The following THRB variants were observed in gnomAD, a reference collection of about 807,000 sequenced individuals.
THRB encodes the protein nuclear receptor subfamily 1 group A member 2.
A neutral mutation model predicts 47.8 loss-of-function variants in THRB; 12 were observed. That is an observed-to-expected ratio of 0.25 (90% CI 0.16 to 0.41). THRB has a LOEUF of 0.41. Ranked by LOEUF, THRB falls within the 10% of genes least tolerant of loss-of-function variation. THRB has a pLI of 1.00. For missense variants in THRB, 348 were observed against 589.2 expected, an observed-to-expected ratio of 0.59 and a Z score of 4.24; for synonymous variants, 218 against 212.2, an observed-to-expected ratio of 1.03 and a Z score of -0.24.
rs578262535 is a variant in THRB, at chr3:24,415,326, G to T, written c.-260-77955C>A. 4.6e-5 allele frequency among the ~76,000 whole-genome samples: 7 copies of T among 151,904 alleles called. No homozygotes were observed. The East Asian group carries it at 1.4e-3, about 30-fold the overall frequency. On this transcript the variant is annotated intron_variant, in intron 1 of 10. Transcript: ENST00000646209. ...AAACTCTCCTTCATATCTGATCCAA[G>T]AATATCATTCTTTCTGCCATCATTT... is the stretch of plus-strand genomic sequence containing the variant.
rs142362027 is a variant in THRB at position 24,474,751 on chromosome 3, G to T, written c.-261+19901C>A. Among the ~76,000 whole-genome samples, 373 of 152,196 alleles carry T rather than the reference G, an allele frequency of 2.5e-3. 1 individual carries two copies. The highest frequency in any genetic ancestry group is 8.7e-3 in the African/African-American group (360 of 41,528). On this transcript the variant is annotated intron_variant, in intron 1 of 10. Transcript: ENST00000646209. ...CTGCTGCAGACCATATGTGCTATAC[G>T]TAGGTAATAATGGAACTGGAAGTAC...
intron 1 of THRB, among the ~76,000 whole-genome samples, chr3:24,482,572 T>C (rs1211424236): frequency 2.0e-5 from 3 of 150,520 alleles, no homozygotes; most frequent in South Asian, 2.1e-4. Flanking sequence ...TCTCTCTCTC[T>C]CCAATGTCCT....
chr3:24,155,996 A>G (rs2037774683), intron 5 of THRB, among the ~76,000 whole-genome samples: 1 of 152,246 alleles, frequency 6.6e-6, no homozygotes, highest in African/African-American at 2.4e-5. Context: ...TATTTTTCAG[A>G]TTAATACATT....
intron 3 of THRB, among the ~76,000 whole-genome samples, chr3:24,258,537 C>T (rs749384884): frequency 6.6e-6 from 1 of 152,126 alleles, no homozygotes; most frequent in Non-Finnish European, 1.5e-5. Flanking sequence ...AATCATCTCA[C>T]CTATGATAGC....
chr3:24,259,899 G>C (rs1179970925), intron 3 of THRB, among the ~76,000 whole-genome samples: 9 of 152,030 alleles, frequency 5.9e-5, no homozygotes, highest in Admixed American at 5.9e-4. Context: ...GCTTTATTGA[G>C]ATATGATTCC....
intron 5 of THRB, among the ~76,000 whole-genome samples, chr3:24,162,038 T>C (rs17014257): frequency 0.43 from 65,512 of 151,820 alleles, 16,228 homozygotes; most frequent in African/African-American, 0.68. Context: ...ACCCGGCTGG[T>C]CCAGACTAAA....
intron 4 of THRB, among the ~76,000 whole-genome samples, chr3:24,206,551 A>G (rs1203544037): frequency 6.6e-6 from 1 of 152,232 alleles, no homozygotes; most frequent in Non-Finnish European, 1.5e-5. Context: ...AGAAAGCAGG[A>G]AAGATCTAAA....
At chr3:24,488,455 T>G (rs577331279) in intron 1 of THRB, among the ~76,000 whole-genome samples, 2 of 152,102 alleles carry the variant, frequency 1.3e-5, no homozygotes, top group South Asian at 4.2e-4. Context: ...TTAGGAAAAA[T>G]AAAAATTGGA....
chr3:24,240,042 G>T (rs1319486662), intron 3 of THRB, among the ~76,000 whole-genome samples: 5 of 152,174 alleles, frequency 3.3e-5, no homozygotes, highest in Non-Finnish European at 4.4e-5. Flanking sequence ...TTTCTGTGGG[G>T]TTGCTGTGGT....
At chr3:24,378,897 A>G (rs2065489525) in intron 1 of THRB, among the ~76,000 whole-genome samples, 1 of 152,138 alleles carries the variant, frequency 6.6e-6, no homozygotes, top group Admixed American at 6.6e-5. Context: ...ATATTCCAAA[A>G]TCCAGCAACT....
chr3:24,452,411 G>A (rs920059365), intron 1 of THRB, among the ~76,000 whole-genome samples: 1 of 151,954 alleles, frequency 6.6e-6, no homozygotes, highest in Admixed American at 6.6e-5. Flanking sequence ...ATAAAAATGG[G>A]GGTAGATTTA....
intron 1 of THRB, among the ~76,000 whole-genome samples, chr3:24,408,230 A>C (rs9826626): frequency 0.11 from 16,880 of 151,882 alleles, 2,013 homozygotes; most frequent in African/African-American, 0.3. Flanking sequence ...CTTAGAAGTG[A>C]ATAGAAATAT....
At chr3:24,267,986 T>C (rs2052839896) in intron 3 of THRB, among the ~76,000 whole-genome samples, 1 of 152,196 alleles carries the variant, frequency 6.6e-6, no homozygotes, top group African/African-American at 2.4e-5. Context: ...AATAATTCTT[T>C]AGTCAATTAG....
chr3:24,158,981 T>G (rs2038343635), intron 5 of THRB, among the ~76,000 whole-genome samples: 1 of 152,000 alleles, frequency 6.6e-6, no homozygotes, highest in Admixed American at 6.5e-5. Context: ...ATCAGAAGAT[T>G]AGGGGAGGGA....
intron 7 of THRB, among the ~76,000 whole-genome samples, chr3:24,146,127 C>G (rs569079761): frequency 6.6e-6 from 1 of 152,228 alleles, no homozygotes; most frequent in Non-Finnish European, 1.5e-5. Context: ...AAACAACCAA[C>G]TGCAGGATGA....
chr3:24,336,433 A>C (rs1411219486), intron 2 of THRB, among the ~76,000 whole-genome samples: 1 of 152,110 alleles, frequency 6.6e-6, no homozygotes, highest in Non-Finnish European at 1.5e-5. Flanking sequence ...CTTATTACCA[A>C]AAAGCCATTT....
intron 8 of THRB, among the ~76,000 whole-genome samples, chr3:24,142,629 T>A (rs918560936): frequency 6.6e-6 from 1 of 152,230 alleles, no homozygotes; most frequent in African/African-American, 2.4e-5. Flanking sequence ...AAGGGTTTTA[T>A]ATCATAAACT....
intron 1 of THRB, among the ~76,000 whole-genome samples, chr3:24,461,582 T>C (rs954111773): frequency 2.0e-5 from 3 of 152,250 alleles, no homozygotes; most frequent in Non-Finnish European, 4.4e-5. Context: ...TAATCCATCG[T>C]TGACCAAGTC....
At chr3:24,125,629 C>T (rs990272737) in intron 10 of THRB, among the ~76,000 whole-genome samples, 15 of 152,144 alleles carry the variant, frequency 9.9e-5, no homozygotes, top group African/African-American at 1.4e-4. Context: ...TTCTCCTGAA[C>T]GACTGTGGGC....
Sources: gnomAD v4.1 joint callset for allele counts (sites outside exome capture counted in the v4.1 genomes callset) on GRCh38, gnomAD v4.1.1 for gene constraint, MANE v1.5 for transcripts, NCBI Gene and HGNC (gene_info 2026-07-23, HGNC 2026-07-21) for gene names.